The following GOLGB1 variants were observed in gnomAD, a reference collection of about 807,000 sequenced individuals.
The protein encoded by GOLGB1 is golgin B1.
GOLGB1 carries 174 observed loss-of-function variants against 336.9 expected under a neutral mutation model. That is an observed-to-expected ratio of 0.52 (90% CI 0.46 to 0.59). The LOEUF (loss-of-function observed/expected upper bound fraction) is 0.59, where lower values mean the gene tolerates loss of function less well. Among genes scored for constraint, GOLGB1 ranks in the 20% least tolerant of loss-of-function variants. The pLI is 0.00. For synonymous variants in GOLGB1, 1,208 were observed against 1,289.2 expected (o/e 0.94, Z 1.35); for missense variants, 3,331 against 3,645.3 (o/e 0.91, Z 2.22).
chr3:121,692,044 A>C lies in GOLGB1; in HGVS notation c.7320T>G (p.Val2440=), dbSNP rs567866927. The C allele has an allele frequency of 3.1e-6, 5 of 1,612,768 alleles. No individual in the cohort carries two copies. Among genetic ancestry groups the C allele is most frequent in the South Asian group, 1.1e-5 (1 of 90,680 alleles). Reference sequence around the variant, plus strand: ...TTTCCATAAGCTGATTGGTTTTATCAACAGCCTTTTTGTTCTCCTCTTCTA... The same window carrying C: ...TTTCCATAAGCTGATTGGTTTTATCCACAGCCTTTTTGTTCTCCTCTTCTA... ...IVLEEENKKA[V]DKTNQLMETL... The change falls in exon 14 of 22, where the codon GTT becomes GTG. Residue 2440 remains valine (V), a synonymous_variant. Transcript: ENST00000614479.
rs777361489 is a variant in GOLGB1 at position 121,698,422 on chromosome 3, G to A, written c.2101C>T (p.Leu701Phe). The A allele has an allele frequency of 6.2e-6, 10 of 1,613,846 alleles. No individual in the cohort carries two copies. In the Admixed American group the frequency reaches 1.3e-4, roughly 22 times the overall value. ...LERLKSQILE[L>F]ELNFHKAQEI... ...TGTGCTTTATGAAAGTTTAGCTCGAGCTCCAAAATTTGACTTTTTAACCTT... is the reference window on the plus strand; with the variant it reads ...TGTGCTTTATGAAAGTTTAGCTCGAACTCCAAAATTTGACTTTTTAACCTT... The change falls in exon 13 of 22, where the codon CTC becomes TTC. Residue 701 changes from leucine (L) to phenylalanine (F), a missense_variant. Leu to Phe is a conservative substitution (Grantham distance 22, BLOSUM62 0). Coordinates refer to ENST00000614479, the MANE Select transcript of GOLGB1 (RefSeq NM_001366282.2).
In GOLGB1 at chr3:121,710,918, G is replaced by A. The variant is rs527254380; in HGVS notation, c.1404+3943C>T. Among the ~76,000 whole-genome samples, 12 of 151,954 alleles carry A rather than the reference G, an allele frequency of 7.9e-5. No individual in the cohort carries two copies. In the South Asian group the frequency reaches 2.1e-3, roughly 26 times the overall value. On this transcript the variant is annotated intron_variant, in intron 10 of 21. Coordinates refer to ENST00000614479, the MANE Select transcript of GOLGB1 (RefSeq NM_001366282.2). ...AAAAAGGCCAGGCGCAGTGGCTCAC[G>A]CCTGTAATGTCAGCACTTTGGGAGG...
In GOLGB1 at chr3:121,698,045, A is replaced by T. The variant is rs764886625; in HGVS notation, c.2478T>A (p.Asp826Glu). 39 of 1,614,004 alleles carry T rather than the reference A, an allele frequency of 2.4e-5. No individual in the cohort carries two copies. The highest frequency in any genetic ancestry group is 3.2e-5 in the Non-Finnish European group (38 of 1,179,972). Residue 826 changes from aspartate to glutamate, a missense_variant, in exon 13 of 22, where the codon GAT becomes GAA. Asp to Glu is a conservative substitution (Grantham distance 45). Transcript: ENST00000614479. ...TCTGCTCAGAAAACTGAAGCTGCAC[A>T]TCATCCAGTTCATTCTGTAAAACTT... ...KIEVLQNELD[D>E]VQLQFSEQST...
chr3:121,694,051 C>G lies in GOLGB1; in HGVS notation c.6472G>C (p.Val2158Leu). Residue 2158 changes from valine to leucine, a missense_variant, in exon 13 of 22, where the codon GTC becomes CTC. Val to Leu is a conservative substitution (Grantham distance 32). Coordinates refer to ENST00000614479, the MANE Select transcript of GOLGB1 (RefSeq NM_001366282.2). ...TCTCCAATTGTCTCTTCCAAGTGGA[C>G]TTTTTCTCTGCGCAAAGCATCCAGT... ...EKLDALRREK[V>L]HLEETIGEIQ... 3 of 1,614,016 alleles carry G rather than the reference C, an allele frequency of 1.9e-6. No individual in the cohort carries two copies. The South Asian group carries it at 3.3e-5, about 18-fold the overall frequency.
intron 21 of GOLGB1, 43 bp from the exon 22 acceptor site, chr3:121,664,657 G>T (rs765590690): frequency 2.6e-5 from 41 of 1,591,684 alleles, no homozygotes; most frequent in Non-Finnish European, 3.4e-5. Context: ...CACCCTATAG[G>T]GCTATGTTGC....
intron 11 of GOLGB1, among the ~76,000 whole-genome samples, chr3:121,700,534 A>T (rs982463658): frequency 1.3e-5 from 2 of 152,018 alleles, no homozygotes; most frequent in South Asian, 2.1e-4. Context: ...AAAGGAAAAA[A>T]ATATATATAT....
rs139677008 is a variant in GOLGB1 at position 121,691,228 on chromosome 3, C to T, written c.8136G>A (p.Glu2712=). ...ETETAEERVA[E]LARDLVEMEQ... ...CCATCTCCACCAAATCTCTTGCTAGCTCTGCCACTCTCTCTTCTGCTGTTT... is the reference window on the plus strand; with the variant it reads ...CCATCTCCACCAAATCTCTTGCTAGTTCTGCCACTCTCTCTTCTGCTGTTT... Residue 2712 remains glutamate (E), a synonymous_variant, in exon 14 of 22, where the codon GAG becomes GAA. Transcript: ENST00000614479. 95 of 1,613,878 alleles carry T rather than the reference C, an allele frequency of 5.9e-5. 1 individual carries two copies. The highest frequency in any genetic ancestry group is 5.4e-4 in the South Asian group (49 of 91,066).
intron 10 of GOLGB1, among the ~76,000 whole-genome samples, chr3:121,709,411 A>C (rs1184283624): frequency 6.6e-6 from 1 of 152,226 alleles, no homozygotes; most frequent in African/African-American, 2.4e-5. Flanking sequence ...CCAAGACACC[A>C]TATGCTGTGT....
chr3:121,714,985 A>G lies in GOLGB1; in HGVS notation c.1289-9T>C. ...TTTTTGCTGGAGCTGATCTAAGGAA[A>G]AGAAAAAAAATAAATGTAATATTTG... On this transcript the variant is annotated splice_polypyrimidine_tract_variant and intron_variant, in intron 9 of 21. Coordinates refer to ENST00000614479, the MANE Select transcript of GOLGB1 (RefSeq NM_001366282.2). 1.4e-6 allele frequency: 2 copies of G among 1,417,536 alleles called. No individual in the cohort carries two copies. Among genetic ancestry groups the G allele is most frequent in the Non-Finnish European group, 2.0e-6 (2 of 1,002,974 alleles). 87.8% of individuals were successfully genotyped at this position (1,417,536 alleles called of 1,614,324 possible). A position where few individuals can be genotyped will look rare whatever the true frequency, so the allele number is the denominator to read the frequency against.
In GOLGB1 at chr3:121,663,881, G is replaced by A. The variant is rs913328123; in HGVS notation, c.*599C>T. On this transcript the variant is annotated 3_prime_UTR_variant, in exon 22 of 22. Coordinates refer to ENST00000614479, the MANE Select transcript of GOLGB1 (RefSeq NM_001366282.2). ...TCTCCCTCCAATTATATCTGAAATT[G>A]GCAGGGAAGAAGATGCTGTCCTCCC... 1.3e-5 allele frequency: 2 copies of A among 153,152 alleles called. No individual in the cohort carries two copies. The highest frequency in any genetic ancestry group is 1.3e-4 in the Admixed American group (2 of 15,498). 9.5% of individuals were successfully genotyped at this position (153,152 alleles called of 1,614,324 possible).
In GOLGB1 at chr3:121,698,986, A is replaced by G; in HGVS notation, c.1594-57T>C. The stretch of plus-strand genomic sequence containing the variant: ...TCAAATGTTTTATAACATTAAAAAA[A>G]TAGCCCAACTAAAAACTTGTATTTC... On this transcript the variant is annotated intron_variant, in intron 12 of 21. Transcript: ENST00000614479. 2.3e-6 allele frequency: 3 copies of G among 1,298,386 alleles called. No homozygotes were observed. In the South Asian group the frequency reaches 4.7e-5, roughly 20 times the overall value. 80.4% of individuals were successfully genotyped at this position (1,298,386 alleles called of 1,614,324 possible). A position where few individuals can be genotyped will look rare whatever the true frequency, so the allele number is the denominator to read the frequency against.
chr3:121,665,073 A>T (rs1938417465), intron 20 of GOLGB1, 42 bp from the exon 21 acceptor site: 4 of 1,091,708 alleles, frequency 3.7e-6, no homozygotes. Context: ...GGTTCATAGC[A>T]TGAGAGGCTG....
chr3:121,687,979 C>T (rs2107736714), intron 14 of GOLGB1, among the ~76,000 whole-genome samples: 1 of 152,172 alleles, frequency 6.6e-6, no homozygotes, highest in Admixed American at 6.5e-5. Flanking sequence ...GAAGTAAAAA[C>T]CATAACTGAA....
intron 10 of GOLGB1, among the ~76,000 whole-genome samples, chr3:121,707,225 C>CAAAAAAAAAAAAAAAAAAAAAA (rs554313106): frequency 7.5e-5 from 7 of 93,658 alleles, no homozygotes; most frequent in Non-Finnish European, 1.4e-4. Context: ...GACTCCATCT[C>CAAAAAAAAAAAAAAAAAAAAAA]AAAAAAAAAA....
intron 1 of GOLGB1, among the ~76,000 whole-genome samples, chr3:121,734,393 A>G (rs923339181): frequency 1.6e-3 from 28 of 17,822 alleles, no homozygotes; most frequent in Admixed American, 4.2e-3. Flanking sequence ...CTGTCTCGGG[A>G]AAAAAAAAAA....
intron 1 of GOLGB1, among the ~76,000 whole-genome samples, chr3:121,734,992 T>C (rs999633675): frequency 6.6e-6 from 1 of 152,194 alleles, no homozygotes; most frequent in East Asian, 1.9e-4. Flanking sequence ...CACAACACAA[T>C]ACTTAAACCT....
chr3:121,684,907 G>T (rs1576311691), intron 14 of GOLGB1, among the ~76,000 whole-genome samples: 1 of 152,182 alleles, frequency 6.6e-6, no homozygotes, highest in Non-Finnish European at 1.5e-5. Context: ...TATCCTAGGA[G>T]TACAGGGCCA....
At position 121,694,248 on chromosome 3, in the gene GOLGB1, G is replaced by A. The variant is rs774865306; in HGVS notation, c.6275C>T (p.Thr2092Ile). Residue 2092 changes from threonine to isoleucine, a missense_variant, in exon 13 of 22, where the codon ACT becomes ATT. By Grantham distance (89) the Thr-to-Ile change is moderately conservative. Coordinates refer to ENST00000614479, the MANE Select transcript of GOLGB1 (RefSeq NM_001366282.2). Reference sequence around the variant, plus strand: ...TAGGACCCTTGCTGCTTCACTTTGAGTGTCATCTAGCAGGACTTTGAAGCT... The same window carrying A: ...TAGGACCCTTGCTGCTTCACTTTGAATGTCATCTAGCAGGACTTTGAAGCT... ...LASFKVLLDDTQSEAARVLAD... is the reference protein window; with the variant it reads ...LASFKVLLDDIQSEAARVLAD... The A allele has an allele frequency of 3.1e-6, 5 of 1,610,418 alleles. No homozygotes were observed. The highest frequency in any genetic ancestry group is 3.3e-5 in the Admixed American group (2 of 60,010).
chr3:121,677,513 A>C (rs1940567252), intron 15 of GOLGB1, 63 bp from the exon 16 acceptor site: 1 of 1,060,848 alleles, frequency 9.4e-7, no homozygotes, highest in South Asian at 1.3e-5. Context: ...GGTAGCTCGC[A>C]CCTGTAACCT....
Sources: gnomAD v4.1 joint callset for allele counts (sites outside exome capture counted in the v4.1 genomes callset) on GRCh38, gnomAD v4.1.1 for gene constraint, MANE v1.5 for transcripts, NCBI Gene and HGNC (gene_info 2026-07-23, HGNC 2026-07-21) for gene names.